ZC3HAV1: variants seen among roughly 807,000 people sequenced by gnomAD.
The protein encoded by ZC3HAV1 is zinc finger CCCH-type containing, antiviral 1.
In ZC3HAV1, 41 loss-of-function variants were observed where a neutral mutation model predicts 86.6. The ratio of observed to expected loss-of-function variants is 0.47; its 90% CI spans 0.37 to 0.61. ZC3HAV1 has a LOEUF of 0.61. Among genes scored for constraint, ZC3HAV1 ranks in the 20% least tolerant of loss-of-function variants. ZC3HAV1 has a pLI of 0.00. For missense variants in ZC3HAV1, 964 were observed against 1,141.1 expected, an observed-to-expected ratio of 0.84 and a Z score of 2.24; for synonymous variants, 421 against 432.1, an observed-to-expected ratio of 0.97 and a Z score of 0.32.
intron 7 of ZC3HAV1, among the ~76,000 whole-genome samples, chr7:139,072,568 G>T (rs984921283): frequency 1.3e-5 from 2 of 151,956 alleles, no homozygotes; most frequent in African/African-American, 4.8e-5. Flanking sequence ...CCTGCTTAAG[G>T]TCTGTTTTCT....
At chr7:139,080,303 A>T in intron 3 of ZC3HAV1, 60 bp from the exon 4 acceptor site, 1 of 1,592,034 alleles carries the variant, frequency 6.3e-7, no homozygotes. Context: ...AATGTGACTG[A>T]GTTCCTACCA....
rs147234803 is a variant in ZC3HAV1, at chr7:139,099,281, G to A, written c.309-9522C>T. On this transcript the variant is annotated intron_variant, in intron 1 of 12. Transcript: ENST00000242351. Reference sequence around the variant, plus strand: ...TTGCAGAAAACAGCATGTCTCTAAGGCCACCAGTCTGACAATAACATGACT... The same window carrying A: ...TTGCAGAAAACAGCATGTCTCTAAGACCACCAGTCTGACAATAACATGACT... 1.2e-3 allele frequency among the ~76,000 whole-genome samples: 183 copies of A among 152,206 alleles called. 1 individual carries two copies. Among genetic ancestry groups the A allele is most frequent in the African/African-American group, 4.1e-3 (169 of 41,538 alleles).
chr7:139,046,158 A>T lies in ZC3HAV1; in HGVS notation c.*1436T>A, dbSNP rs1349250540. 1 of 152,174 alleles carries T rather than the reference A, an allele frequency of 6.6e-6. No homozygotes were observed. Among genetic ancestry groups the T allele is most frequent in the African/African-American group, 2.4e-5 (1 of 41,432 alleles). 9.4% of individuals were successfully genotyped at this position (152,174 alleles called of 1,614,324 possible). A position where few individuals can be genotyped will look rare whatever the true frequency, so the allele number is the denominator to read the frequency against. ...AAGGAAATATTGGTCCAAGCACGTC[A>T]AGGGCTCTAAGTAAAAACCGATGGC... On this transcript the variant is annotated 3_prime_UTR_variant, in exon 13 of 13. Coordinates refer to ENST00000242351, the MANE Select transcript of ZC3HAV1 (RefSeq NM_020119.4).
chr7:139,065,389 G>T (rs1048172106), intron 7 of ZC3HAV1, among the ~76,000 whole-genome samples: 1 of 152,164 alleles, frequency 6.6e-6, no homozygotes, highest in Non-Finnish European at 1.5e-5. Flanking sequence ...ATAGAACATC[G>T]TGGGCTATTC....
rs540927396 is a variant in ZC3HAV1 at position 139,072,596 on chromosome 7, T to C, written c.1872+1260A>G. The stretch of plus-strand genomic sequence containing the variant: ...TGTTTTCTCTCTCTCTTTAATCCTA[T>C]GAGTTAAAGGGAGGAAGGGACACTG... On this transcript the variant is annotated intron_variant, in intron 7 of 12. Transcript: ENST00000242351. 7.9e-5 allele frequency among the ~76,000 whole-genome samples: 12 copies of C among 152,274 alleles called. No individual in the cohort carries two copies. The East Asian group carries it at 1.4e-3, about 17-fold the overall frequency.
At chr7:139,082,630 A>G (rs1245630011) in intron 3 of ZC3HAV1, among the ~76,000 whole-genome samples, 1 of 152,362 alleles carries the variant, frequency 6.6e-6, no homozygotes, top group East Asian at 1.9e-4. Context: ...TAAAAAATTT[A>G]TAATTATATA....
chr7:139,083,864 G>A lies in ZC3HAV1; in HGVS notation c.613C>T (p.His205Tyr), dbSNP rs370273772. The A allele has an allele frequency of 8.7e-6, 14 of 1,613,994 alleles. No homozygotes were observed. The highest frequency in any genetic ancestry group is 2.7e-5 in the African/African-American group (2 of 74,918). Residue 205 changes from histidine to tyrosine, a missense_variant, in exon 3 of 13, where the codon CAC becomes TAC. Physicochemically the swap from His to Tyr is moderately conservative, Grantham distance 83. Coordinates refer to ENST00000242351, the MANE Select transcript of ZC3HAV1 (RefSeq NM_020119.4). ...DRKVLAIMRE[H>Y]GLNPDVVQNI... The stretch of plus-strand genomic sequence containing the variant: ...TGGACCACGTCGGGGTTCAGCCCGT[G>A]CTCCCTCATGATGGCCAGCACCTTT...
Position 139,079,585 on chromosome 7 carries a change from G to T in ZC3HAV1, c.1356C>A (p.Ser452Arg). Reference sequence around the variant, plus strand: ...TAGGTGATGATATTTCTCTGTGACCGCTGCTAGTGCTTTTGTAATTTAAGG... The same window carrying T: ...TAGGTGATGATATTTCTCTGTGACCTCTGCTAGTGCTTTTGTAATTTAAGG... The part of the protein sequence containing the change: ...TRSLNYKSTS[S>R]GHREISSPRI... Residue 452 changes from serine to arginine, a missense_variant, in exon 4 of 13, where the codon AGC becomes AGA. Transcript: ENST00000242351. 1.2e-6 allele frequency: 2 copies of T among 1,614,154 alleles called. No homozygotes were observed. The highest frequency in any genetic ancestry group is 1.7e-6 in the Non-Finnish European group (2 of 1,180,020).
rs1818035026 is a variant in ZC3HAV1 at position 139,109,262 on chromosome 7, C to G, written c.70G>C (p.Asp24His). 2.5e-6 allele frequency: 4 copies of G among 1,612,076 alleles called. No homozygotes were observed. Among genetic ancestry groups the G allele is most frequent in the Non-Finnish European group, 3.4e-6 (4 of 1,179,556 alleles). Reference protein sequence around the residue: ...LCAHGGRMALDALLQEIALSE... With the variant: ...LCAHGGRMALHALLQEIALSE... ...AGCGCGATCTCCTGGAGCAGCGCGT[C>G]CAGGGCCATGCGGCCCCCGTGGGCG... The change falls in exon 1 of 13, where the codon GAC (aspartate) becomes CAC (histidine). Residue 24 changes from aspartate (D) to histidine (H), a missense_variant. Transcript: ENST00000242351.
chr7:139,097,687 G>C (rs1048174316), intron 1 of ZC3HAV1, among the ~76,000 whole-genome samples: 3 of 151,522 alleles, frequency 2.0e-5, no homozygotes, highest in African/African-American at 7.3e-5. Flanking sequence ...GCTCGCCTCG[G>C]CCTCCTAAAG....
Position 139,073,842 on chromosome 7 carries a change from GGAA to G in ZC3HAV1, c.1872+11_1872+13del, listed in dbSNP as rs1184332409. Reference sequence around the variant, plus strand: ...TTTAAACAAGAGCCCCCTACAAGGAGGAACAGTGCTCACCTCTTCTCCATACTG... The same window carrying G: ...TTTAAACAAGAGCCCCCTACAAGGAGCAGTGCTCACCTCTTCTCCATACTG... On this transcript the variant is annotated intron_variant, in intron 7 of 12. Coordinates refer to ENST00000242351, the MANE Select transcript of ZC3HAV1 (RefSeq NM_020119.4). 8 of 1,595,512 alleles carry G rather than the reference GGAA, an allele frequency of 5.0e-6. No homozygotes were observed. The highest frequency in any genetic ancestry group is 6.8e-6 in the Non-Finnish European group (8 of 1,169,350).
In ZC3HAV1 at chr7:139,109,318, T is replaced by A; in HGVS notation, c.14A>T (p.Glu5Val). 1 of 1,593,200 alleles carries A rather than the reference T, an allele frequency of 6.3e-7. No individual in the cohort carries two copies. Among genetic ancestry groups the A allele is most frequent in the Non-Finnish European group, 8.6e-7 (1 of 1,168,584 alleles). The change falls in exon 1 of 13, where the codon GAG becomes GTG. Residue 5 changes from glutamate to valine, a missense_variant. Glu to Val is a moderately radical substitution (Grantham distance 121). Transcript: ENST00000242351. MADPEVCCFITKILC... is the reference protein window; with the variant it reads MADPVVCCFITKILC... Reference sequence around the variant, plus strand: ...GATTTTGGTGATGAAGCAGCACACCTCCGGGTCCGCCATGGCGCGCTGGCT... The same window carrying A: ...GATTTTGGTGATGAAGCAGCACACCACCGGGTCCGCCATGGCGCGCTGGCT...
intron 1 of ZC3HAV1, among the ~76,000 whole-genome samples, chr7:139,096,725 A>G (rs1224651739): frequency 6.6e-6 from 1 of 152,200 alleles, no homozygotes; most frequent in Non-Finnish European, 1.5e-5. Context: ...TCAAACTCGA[A>G]AGCCACATAA....
intron 1 of ZC3HAV1, among the ~76,000 whole-genome samples, chr7:139,104,198 C>T (rs943397481): frequency 6.6e-6 from 1 of 152,052 alleles, no homozygotes. Flanking sequence ...TCAACTAGTC[C>T]TCTTCCCATC....
intron 1 of ZC3HAV1, among the ~76,000 whole-genome samples, chr7:139,097,428 A>ATATATATATATATTTTTTTTTTTT: frequency 4.2e-5 from 2 of 48,160 alleles, no homozygotes; most frequent in African/African-American, 1.1e-4. Flanking sequence ...ATATATATAT[A>ATATATATATATATTTTTTTTTTTT]TTTTTTTTTT....
rs1182604021 is a variant in ZC3HAV1 at position 139,109,070 on chromosome 7, A to C, written c.262T>G (p.Cys88Gly). 6.3e-7 allele frequency: 1 copy of C among 1,588,142 alleles called. No homozygotes were observed. The highest frequency in any genetic ancestry group is 1.3e-5 in the African/African-American group (1 of 74,534). ...CACCGGCCCAGCAAGTTGAGTTTGC[A>C]GAGATGCAGGTTATCGCAGGGTCTC... is the stretch of plus-strand genomic sequence containing the variant. ...CQRPCDNLHL[C>G]KLNLLGRCNY... The change falls in exon 1 of 13, where the codon TGC (cysteine) becomes GGC (glycine). Residue 88 changes from cysteine (C) to glycine (G), a missense_variant. By Grantham distance (159) the Cys-to-Gly change is radical. Coordinates refer to ENST00000242351, the MANE Select transcript of ZC3HAV1 (RefSeq NM_020119.4).
At chr7:139,062,680 G>A (rs992661353) in intron 8 of ZC3HAV1, among the ~76,000 whole-genome samples, 3 of 152,154 alleles carry the variant, frequency 2.0e-5, no homozygotes, top group African/African-American at 4.8e-5. Context: ...GTACACAGCT[G>A]GCACTCAGAT....
chr7:139,052,758 T>TA (rs1816170898), intron 12 of ZC3HAV1, among the ~76,000 whole-genome samples: 2 of 107,414 alleles, frequency 1.9e-5, no homozygotes, highest in South Asian at 3.1e-4. Flanking sequence ...CCTGTCTCTA[T>TA]AAAAAATACA....
chr7:139,092,565 C>G (rs1421770651), intron 1 of ZC3HAV1, among the ~76,000 whole-genome samples: 1 of 152,226 alleles, frequency 6.6e-6, no homozygotes, highest in Non-Finnish European at 1.5e-5. Flanking sequence ...CCTGTCCTAG[C>G]TGAGGAGTGT....
Sources: allele counts gnomAD v4.1 joint callset (sites outside exome capture counted in the v4.1 genomes callset), GRCh38; gene constraint gnomAD v4.1.1; transcripts MANE v1.5; gene names NCBI Gene and HGNC (gene_info 2026-07-23, HGNC 2026-07-21).